FHIP1B: variants seen among roughly 807,000 people sequenced by gnomAD.
The protein encoded by FHIP1B is FHF complex subunit HOOK-interacting protein 1B.
In FHIP1B, 28 loss-of-function variants were observed where a neutral mutation model predicts 82.2. The ratio of observed to expected loss-of-function variants is 0.34; its 90% CI spans 0.25 to 0.47. The LOEUF is 0.47. Among genes scored for constraint, FHIP1B ranks in the 20% least tolerant of loss-of-function variants. The probability of loss-of-function intolerance (pLI) is 1.00; values close to 1 mark genes in which losing one functional copy is unlikely to be tolerated. For synonymous variants in FHIP1B, 585 were observed against 516.1 expected (o/e 1.13, Z -1.81); for missense variants, 1,110 against 1,262.6 (o/e 0.88, Z 1.83).
Position 6,217,896 on chromosome 11 carries a change from G to A in FHIP1B, c.1690C>T (p.Arg564Cys), listed in dbSNP as rs146982586. 173 of 1,613,134 alleles carry A rather than the reference G, an allele frequency of 1.1e-4. No homozygotes were observed. The highest frequency in any genetic ancestry group is 2.4e-4 in the South Asian group (22 of 91,082). Residue 564 changes from arginine (R) to cysteine (C), a missense_variant, in exon 9 of 12, where the codon CGC becomes TGC. This residue lies in a region of FHIP1B where 418 missense variants were observed against 371.4 expected (regional missense o/e 1.13). Transcript: ENST00000449352. ...YLREARRGVD[R>C]CVRACRTWSA... Reference sequence around the variant, plus strand: ...CAGGTACGGCAGGCTCGGACACAGCGGTCCACACCACGACGTGCCTCACGC... The same window carrying A: ...CAGGTACGGCAGGCTCGGACACAGCAGTCCACACCACGACGTGCCTCACGC...
At chr11:6,214,270 C>A in intron 11 of FHIP1B, 141 bp downstream of exon 11, 1 of 1,032,474 alleles carries the variant, frequency 9.7e-7, no homozygotes, top group Non-Finnish European at 1.4e-6. Context: ...GACCAGAAGC[C>A]TGAGAACAAA....
At position 6,217,592 on chromosome 11, in the gene FHIP1B, G is replaced by A. The variant is rs1465543867; in HGVS notation, c.1994C>T (p.Ser665Phe). Residue 665 changes from serine (S) to phenylalanine (F), a missense_variant, in exon 9 of 12, where the codon TCC (serine) becomes TTC (phenylalanine). Around this residue, in one of 6 missense-constraint regions of FHIP1B, gnomAD observed 418 missense variants for 371.4 expected, o/e 1.13. Transcript: ENST00000449352. The stretch of plus-strand genomic sequence containing the variant: ...GCCCTCTAGTCCTGCCATGCCCTCG[G>A]AGATGCCCTCTAGCAGTTCCCCAGC... ...EGAGELLEGI[S>F]EGMAGLEGFG... 1 of 1,613,188 alleles carries A rather than the reference G, an allele frequency of 6.2e-7. No homozygotes were observed.
In FHIP1B at chr11:6,214,884, T is replaced by C. The variant is rs761570990; in HGVS notation, c.2243A>G (p.Lys748Arg). 5.0e-6 allele frequency: 8 copies of C among 1,599,562 alleles called. No homozygotes were observed. The highest frequency in any genetic ancestry group is 2.3e-5 in the South Asian group (2 of 88,816). ...GGAGTTCTGCAGCATGTTCTCGAGT[T>C]TGGCAAAGAGCACAGCCATGAAGGG... ...TGPFMAVLFA[K>R]LENMLQNSVY... Residue 748 changes from lysine (K) to arginine (R), a missense_variant, in exon 10 of 12, where the codon AAA becomes AGA. Physicochemically the swap from Lys to Arg is conservative, Grantham distance 26. Coordinates refer to ENST00000449352, the MANE Select transcript of FHIP1B (RefSeq NM_001098794.2).
In FHIP1B at chr11:6,223,563, C is replaced by T; in HGVS notation, c.777+47G>A. On this transcript the variant is annotated intron_variant, in intron 3 of 11. Transcript: ENST00000449352. This position sits in a 1 kb window ranked among gnomAD's most constrained non-coding sequence, Gnocchi z 4.8. The stretch of plus-strand genomic sequence containing the variant: ...ATCTCCTGGATAGGAAGGTGCTGTT[C>T]AGTATCTACACACCACACCCTACCC... 1 of 1,526,230 alleles carries T rather than the reference C, an allele frequency of 6.6e-7. No individual in the cohort carries two copies. Among genetic ancestry groups the T allele is most frequent in the Non-Finnish European group, 8.8e-7 (1 of 1,137,584 alleles). The allele number at this position is 1,526,230 out of a possible 1,614,324, so 94.5% of individuals were successfully genotyped here. A position where few individuals can be genotyped will look rare whatever the true frequency, so the allele number is the denominator to read the frequency against.
intron 9 of FHIP1B, 132 bp downstream of exon 9, chr11:6,217,239 G>A: frequency 3.8e-6 from 3 of 790,130 alleles, no homozygotes; most frequent in South Asian, 1.4e-5. Flanking sequence ...TGGAAGTGAT[G>A]CAAGCAGGAT....
In FHIP1B at chr11:6,211,852, G is replaced by A. The variant is rs746694865; in HGVS notation, c.2573C>T (p.Pro858Leu). The change falls in exon 12 of 12, where the codon CCA (proline) becomes CTA (leucine). Residue 858 changes from proline (P) to leucine (L), a missense_variant. Coordinates refer to ENST00000449352, the MANE Select transcript of FHIP1B (RefSeq NM_001098794.2). ...CCGCAGGAGTAACTCCCCCAAGGAT[G>A]GCCTCCGGCTCTTCACTGGGAATAA... ...RSDPLVKSRR[P>L]SLGELLLRHA... 1.5e-5 allele frequency: 24 copies of A among 1,572,984 alleles called. No individual in the cohort carries two copies. The highest frequency in any genetic ancestry group is 2.2e-5 in the East Asian group (1 of 44,586).
At chr11:6,221,997 ATAG>A (rs1847421899) in intron 6 of FHIP1B, among the ~76,000 whole-genome samples, 1 of 152,198 alleles carries the variant, frequency 6.6e-6, no homozygotes, top group Non-Finnish European at 1.5e-5. Flanking sequence ...GCTCCAAGCT[ATAG>A]TTCAAAAGCA....
chr11:6,231,742 G>C (rs550129928), intron 1 of FHIP1B, among the ~76,000 whole-genome samples: 35 of 152,218 alleles, frequency 2.3e-4, no homozygotes, highest in Middle Eastern at 3.4e-3. Context: ...AACTCCTGAA[G>C]TCAAGCGATC....
chr11:6,218,824 G>A lies in FHIP1B; in HGVS notation c.1272-61C>T, dbSNP rs1279720750. On this transcript the variant is annotated intron_variant, in intron 7 of 11. Transcript: ENST00000449352. ...TCAGGAAGGAAGGACAGGGCCTAGA[G>A]GAACATCAGGCCAATGAAACTGCAT... 8 of 1,592,848 alleles carry A rather than the reference G, an allele frequency of 5.0e-6. No individual in the cohort carries two copies. The East Asian group carries it at 1.8e-4, about 36-fold the overall frequency.
intron 11 of FHIP1B, 39 bp from the exon 12 acceptor site, chr11:6,211,906 A>G (rs1351811437): frequency 6.6e-7 from 1 of 1,514,844 alleles, no homozygotes. Context: ...TGCTGGGATC[A>G]GGGAACCTCC....
Position 6,223,163 on chromosome 11 carries a change from A to C in FHIP1B, c.853T>G (p.Cys285Gly). 1.2e-6 allele frequency: 2 copies of C among 1,609,466 alleles called. No individual in the cohort carries two copies. Among genetic ancestry groups the C allele is most frequent in the Non-Finnish European group, 1.7e-6 (2 of 1,178,866 alleles). ...KIEVPGDDWHCLRREDWLGVP... is the reference protein window; with the variant it reads ...KIEVPGDDWHGLRREDWLGVP... ...CCCAGCCAGTCTTCCCGTCGCAGAC[A>C]GTGCCAATCATCCCCTGGAACCTCA... Residue 285 changes from cysteine to glycine, a missense_variant, in exon 4 of 12, where the codon TGT (cysteine) becomes GGT (glycine). Cys to Gly is a radical substitution (Grantham distance 159). Coordinates refer to ENST00000449352, the MANE Select transcript of FHIP1B (RefSeq NM_001098794.2). The surrounding 1 kb of genome is among the most constrained non-coding windows in gnomAD (Gnocchi z 4.8).
At chr11:6,227,979 C>T (rs954516134) in intron 1 of FHIP1B, among the ~76,000 whole-genome samples, 1 of 152,058 alleles carries the variant, frequency 6.6e-6, no homozygotes, top group Non-Finnish European at 1.5e-5. Flanking sequence ...CAAACTTAGT[C>T]AAATTAGTTA....
Position 6,211,390 on chromosome 11 carries a change from C to CTCCATAA in FHIP1B, c.*115_*116insTTATGGA. On this transcript the variant is annotated 3_prime_UTR_variant, in exon 12 of 12. Coordinates refer to ENST00000449352, the MANE Select transcript of FHIP1B (RefSeq NM_001098794.2). ...ATATTGCAACAAGTTCTCCATAAAACATTCATCTGAAATAAATTAAAAAGT... is the reference window on the plus strand; with the variant it reads ...ATATTGCAACAAGTTCTCCATAAAACTCCATAAATTCATCTGAAATAAATTAAAAAGT... 1 of 1,292,892 alleles carries CTCCATAA rather than the reference C, an allele frequency of 7.7e-7. No individual in the cohort carries two copies. The highest frequency in any genetic ancestry group is 1.1e-6 in the Non-Finnish European group (1 of 947,358). 80.1% of individuals were successfully genotyped at this position (1,292,892 alleles called of 1,614,324 possible). A position where few individuals can be genotyped will look rare whatever the true frequency, so the allele number is the denominator to read the frequency against.
At position 6,214,491 on chromosome 11, in the gene FHIP1B, T is replaced by C; in HGVS notation, c.2477A>G (p.Lys826Arg). The part of the protein sequence containing the change: ...DFPALLSKAK[K>R]YLIARGKLDW... ...CAACTTGCCACGGGCAATGAGGTAC[T>C]TCTTGGCTTTGGACAGCAGTGCTGG... Residue 826 changes from lysine (K) to arginine (R), a missense_variant, in exon 11 of 12, where the codon AAG becomes AGG. Physicochemically the swap from Lys to Arg is conservative, Grantham distance 26. Transcript: ENST00000449352. The C allele has an allele frequency of 6.2e-7, 1 of 1,614,202 alleles. No individual in the cohort carries two copies. Among genetic ancestry groups the C allele is most frequent in the Admixed American group, 1.7e-5 (1 of 60,034 alleles).
chr11:6,225,106 A>C (rs1244753398), intron 1 of FHIP1B, among the ~76,000 whole-genome samples: 2 of 152,234 alleles, frequency 1.3e-5, no homozygotes, highest in African/African-American at 4.8e-5. Flanking sequence ...CAAAACAACC[A>C]GAGTGATATT....
rs746123727 is a variant in FHIP1B at position 6,217,653 on chromosome 11, C to T, written c.1933G>A (p.Gly645Arg). The T allele has an allele frequency of 2.5e-6, 4 of 1,614,020 alleles. No individual in the cohort carries two copies. The highest frequency in any genetic ancestry group is 3.4e-6 in the Non-Finnish European group (4 of 1,180,010). ...GGCACCAGACGAACCTTCTTGGCCC[C>T]CTCAGGCCATGATCCTGGCACTCCA... is the stretch of plus-strand genomic sequence containing the variant. ...LNGVPGSWPE[G>R]AKKVRLVPKE... The change falls in exon 9 of 12, where the codon GGG (glycine) becomes AGG (arginine). Residue 645 changes from glycine (G) to arginine (R), a missense_variant. Around this residue, in one of 6 missense-constraint regions of FHIP1B, gnomAD observed 418 missense variants for 371.4 expected, o/e 1.13. Transcript: ENST00000449352.
chr11:6,229,930 A>G (rs1399939314), intron 1 of FHIP1B, among the ~76,000 whole-genome samples: 1 of 152,018 alleles, frequency 6.6e-6, no homozygotes, highest in African/African-American at 2.4e-5. Flanking sequence ...AGAAAAGGTT[A>G]AAATCACCAC....
intron 1 of FHIP1B, among the ~76,000 whole-genome samples, chr11:6,229,186 T>C (rs1590635330): frequency 6.6e-6 from 1 of 152,208 alleles, no homozygotes; most frequent in African/African-American, 2.4e-5. Flanking sequence ...GAGTAGTAGG[T>C]AAAGTCTGAA....
rs1259599911 is a variant in FHIP1B at position 6,214,516 on chromosome 11, G to A, written c.2452C>T (p.Pro818Ser). Residue 818 changes from proline to serine, a missense_variant, in exon 11 of 12, where the codon CCA (proline) becomes TCA (serine). Physicochemically the swap from Pro to Ser is moderately conservative, Grantham distance 74. This residue lies in a region of FHIP1B where 147 missense variants were observed against 154.0 expected (regional missense o/e 0.95). Transcript: ENST00000449352. ...ENFAASQEDFPALLSKAKKYL... is the reference protein window; with the variant it reads ...ENFAASQEDFSALLSKAKKYL... ...TTCTTGGCTTTGGACAGCAGTGCTG[G>A]GAAGTCCTCCTGGGAAGCCGCAAAG... 4 of 1,614,128 alleles carry A rather than the reference G, an allele frequency of 2.5e-6. No homozygotes were observed. Among genetic ancestry groups the A allele is most frequent in the East Asian group, 4.5e-5 (2 of 44,884 alleles).
Sources: gnomAD v4.1 joint callset for allele counts (sites outside exome capture counted in the v4.1 genomes callset) on GRCh38, gnomAD v4.1.1 for gene constraint, gnomAD v4.1.1 regional missense constraint, Gnocchi (gnomAD v3.1) non-coding constraint, MANE v1.5 for transcripts, NCBI Gene and HGNC (gene_info 2026-07-23, HGNC 2026-07-21) for gene names.